The following GRID2 variants were observed in gnomAD, a reference collection of about 807,000 sequenced individuals.
GRID2 encodes the protein glutamate ionotropic receptor delta type subunit 2.
Under a neutral mutation model 114.8 loss-of-function variants are expected in GRID2, and 33 were observed. The observed-to-expected ratio is 0.29, with a 90% CI of 0.22 to 0.38. The LOEUF (loss-of-function observed/expected upper bound fraction) is 0.38, where lower values mean the gene tolerates loss of function less well. Ranked by LOEUF, GRID2 falls within the 10% of genes least tolerant of loss-of-function variation. The probability of loss-of-function intolerance (pLI) is 1.00; values close to 1 mark genes in which losing one functional copy is unlikely to be tolerated. For synonymous variants in GRID2, 505 were observed against 449.9 expected (o/e 1.12, Z -1.55); for missense variants, 1,184 against 1,257.7 (o/e 0.94, Z 0.89).
chr4:93,354,791 T>C (rs888647680), intron 8 of GRID2, among the ~76,000 whole-genome samples: 5 of 123,602 alleles, frequency 4.0e-5, no homozygotes, highest in African/African-American at 1.6e-4. Context: ...TATATGAAGA[T>C]TTATATATAT....
chr4:93,766,724 G>A (rs1733708064), intron 14 of GRID2, among the ~76,000 whole-genome samples: 1 of 152,114 alleles, frequency 6.6e-6, no homozygotes, highest in African/African-American at 2.4e-5. Flanking sequence ...TTTCCTCCAA[G>A]GTAATCAATG....
chr4:92,717,504 T>C (rs1284045507), intron 2 of GRID2, among the ~76,000 whole-genome samples: 3 of 152,194 alleles, frequency 2.0e-5, no homozygotes, highest in Non-Finnish European at 4.4e-5. Flanking sequence ...GCTAACCCAT[T>C]TAGTTAAAGC....
chr4:93,613,054 C>G (rs1183896604), intron 13 of GRID2, among the ~76,000 whole-genome samples: 1 of 131,762 alleles, frequency 7.6e-6, no homozygotes, highest in Non-Finnish European at 1.7e-5. Context: ...CGCTTCATTT[C>G]ATTCATTTCA....
chr4:93,803,603 T>A (rs1734976763), intron 1 of GRID2, among the ~76,000 whole-genome samples: 1 of 151,984 alleles, frequency 6.6e-6, no homozygotes, highest in Non-Finnish European at 1.5e-5. Context: ...GCACCTGTAG[T>A]CCTAGCCACT....
intron 11 of GRID2, among the ~76,000 whole-genome samples, chr4:93,470,941 T>C (rs1724746049): frequency 1.3e-5 from 2 of 152,062 alleles, no homozygotes; most frequent in African/African-American, 2.4e-5. Context: ...TTCTTAGTGA[T>C]ATTAAAACAA....
chr4:92,955,955 G>A lies in GRID2; in HGVS notation c.245-129040G>A, dbSNP rs145886364. On this transcript the variant is annotated intron_variant, in intron 2 of 15. Coordinates refer to ENST00000282020, the MANE Select transcript of GRID2 (RefSeq NM_001510.4). ...AGGATGTTCTCTATCTCCTGACCTC[G>A]TGATCTGCCCACTTCGGCCTCACAA... Among the ~76,000 whole-genome samples the A allele has an allele frequency of 5.2e-3, 789 of 152,154 alleles. 7 individuals are homozygous for A. Among genetic ancestry groups the A allele is most frequent in the African/African-American group, 0.018 (754 of 41,514 alleles).
chr4:93,074,295 C>T (rs1305297940), intron 2 of GRID2, among the ~76,000 whole-genome samples: 1 of 152,082 alleles, frequency 6.6e-6, no homozygotes, highest in Admixed American at 6.5e-5. Context: ...TCTCTTACAG[C>T]AATATGTCTA....
At chr4:93,519,703 T>A (rs1730140323) in intron 13 of GRID2, among the ~76,000 whole-genome samples, 1 of 152,156 alleles carries the variant, frequency 6.6e-6, no homozygotes, top group African/African-American at 2.4e-5. Flanking sequence ...TGGTAGGATT[T>A]GTAAGTGAAT....
chr4:93,615,768 A>T (rs925336205), intron 13 of GRID2, among the ~76,000 whole-genome samples: 2 of 151,444 alleles, frequency 1.3e-5, no homozygotes, highest in Non-Finnish European at 2.9e-5. Flanking sequence ...GTATTTTTTT[A>T]ATGTGTCATT....
chr4:92,611,463 C>T (rs1000031734), intron 2 of GRID2, among the ~76,000 whole-genome samples: 1 of 151,520 alleles, frequency 6.6e-6, no homozygotes, highest in Non-Finnish European at 1.5e-5. Context: ...CGTCATTTAA[C>T]CTTAATTACC....
At chr4:92,866,102 G>A (rs967718485) in intron 2 of GRID2, among the ~76,000 whole-genome samples, 2 of 152,130 alleles carry the variant, frequency 1.3e-5, no homozygotes, top group East Asian at 1.9e-4. Flanking sequence ...CTCTTGGTCC[G>A]GCACCCTGTG....
intron 2 of GRID2, among the ~76,000 whole-genome samples, chr4:92,921,159 C>T (rs1749293256): frequency 6.6e-6 from 1 of 152,150 alleles, no homozygotes; most frequent in African/African-American, 2.4e-5. Flanking sequence ...GAGGCTTGTA[C>T]ATTCATCATG....
intron 2 of GRID2, among the ~76,000 whole-genome samples, chr4:92,706,609 T>C (rs1319792014): frequency 6.6e-6 from 1 of 152,186 alleles, no homozygotes; most frequent in Non-Finnish European, 1.5e-5. Context: ...TGGAGGGTGC[T>C]ATTAGTGTTT....
At chr4:92,405,579 A>T (rs1472440657) in intron 1 of GRID2, among the ~76,000 whole-genome samples, 2 of 152,072 alleles carry the variant, frequency 1.3e-5, no homozygotes, top group Non-Finnish European at 2.9e-5. Flanking sequence ...TTGTTTTCTT[A>T]AATTTTCATA....
rs118072552 is a variant in GRID2, at chr4:92,786,971, A to G, written c.244+196685A>G. Among the ~76,000 whole-genome samples, 488 of 152,094 alleles carry G rather than the reference A, an allele frequency of 3.2e-3. 7 individuals are homozygous for G. In the East Asian group the frequency reaches 0.041, roughly 13 times the overall value. On this transcript the variant is annotated intron_variant, in intron 2 of 15. Coordinates refer to ENST00000282020, the MANE Select transcript of GRID2 (RefSeq NM_001510.4). ...GAATAGCAACATGTGACAAGATGAA[A>G]TACCTACAGAAGAGTTGGTGCTTCT... is the stretch of plus-strand genomic sequence containing the variant.
intron 14 of GRID2, among the ~76,000 whole-genome samples, chr4:93,728,899 T>A (rs966017466): frequency 1.3e-5 from 2 of 152,196 alleles, no homozygotes; most frequent in African/African-American, 4.8e-5. Flanking sequence ...TGAGATGGGT[T>A]TGCTGAATAC....
chr4:92,673,694 A>G (rs778711714), intron 2 of GRID2, among the ~76,000 whole-genome samples: 5 of 152,136 alleles, frequency 3.3e-5, no homozygotes. Context: ...ATTTTGATCT[A>G]TTGAATTCTG....
At chr4:93,649,312 T>C (rs1194414300) in intron 14 of GRID2, among the ~76,000 whole-genome samples, 3 of 152,196 alleles carry the variant, frequency 2.0e-5, no homozygotes, top group South Asian at 2.1e-4. Context: ...AACTAATGCA[T>C]TGGGTAGCAG....
intron 13 of GRID2, among the ~76,000 whole-genome samples, chr4:93,546,385 A>T (rs1316950102): frequency 6.6e-6 from 1 of 152,170 alleles, no homozygotes; most frequent in Non-Finnish European, 1.5e-5. Flanking sequence ...CCCTGAGGAG[A>T]AAATGCAGCT....
Sources: allele counts gnomAD v4.1 joint callset (sites outside exome capture counted in the v4.1 genomes callset), GRCh38; gene constraint gnomAD v4.1.1; transcripts MANE v1.5; gene names NCBI Gene and HGNC (gene_info 2026-07-23, HGNC 2026-07-21).